RABGAP1L: variants seen among roughly 807,000 people sequenced by gnomAD.
The protein encoded by RABGAP1L is RAB GTPase activating protein 1 like, also known as rab GTPase-activating protein 1-like.
In RABGAP1L, 63 loss-of-function variants were observed where a neutral mutation model predicts 137.7. The observed-to-expected ratio is 0.46, with a 90% CI of 0.37 to 0.56. The LOEUF is 0.56. Ranked by LOEUF, RABGAP1L falls within the 20% of genes least tolerant of loss-of-function variation. The pLI, the probability that RABGAP1L is intolerant of heterozygous loss-of-function variation, is 0.00. For synonymous variants in RABGAP1L, 431 were observed against 433.7 expected (o/e 0.99, Z 0.08); for missense variants, 1,095 against 1,244.0 (o/e 0.88, Z 1.80).
chr1:174,730,001 ATACACT>A (rs1348249112), intron 17 of RABGAP1L, among the ~76,000 whole-genome samples: 4 of 152,204 alleles, frequency 2.6e-5, no homozygotes, highest in Non-Finnish European at 4.4e-5. Flanking sequence ...ATAAAAAGAC[ATACACT>A]TACATGTTAA....
chr1:174,578,359 A>AT (rs1029420791), intron 13 of RABGAP1L, among the ~76,000 whole-genome samples: 4 of 151,992 alleles, frequency 2.6e-5, no homozygotes, highest in Admixed American at 6.6e-5. Flanking sequence ...TAATTTTTTG[A>AT]TTTTTTTATA....
chr1:174,248,186 T>C (rs1417677401), intron 5 of RABGAP1L, among the ~76,000 whole-genome samples: 2 of 152,198 alleles, frequency 1.3e-5, no homozygotes. Flanking sequence ...AGGCTGAACC[T>C]TTCTGTTTTT....
At chr1:174,432,166 G>A (rs996232708) in intron 13 of RABGAP1L, among the ~76,000 whole-genome samples, 1 of 152,098 alleles carries the variant, frequency 6.6e-6, no homozygotes, top group African/African-American at 2.4e-5. Flanking sequence ...TTATGTCCAT[G>A]AGTACCCAAT....
intron 18 of RABGAP1L, among the ~76,000 whole-genome samples, chr1:174,802,041 A>G (rs976660951): frequency 6.6e-6 from 1 of 152,238 alleles, no homozygotes; most frequent in Non-Finnish European, 1.5e-5. Flanking sequence ...TTGGTAATTA[A>G]GAATATTTTG....
At chr1:174,176,713 G>GGAAAAAAAAAAAAA (rs1232596038) in intron 1 of RABGAP1L, among the ~76,000 whole-genome samples, 2 of 21,542 alleles carry the variant, frequency 9.3e-5, no homozygotes, top group Non-Finnish European at 1.8e-4. Flanking sequence ...CCCTTTTTCA[G>GGAAAAAAAAAAAAA]AAAAAAAAAA....
intron 19 of RABGAP1L, among the ~76,000 whole-genome samples, chr1:174,838,388 A>G (rs1230555074): frequency 6.6e-6 from 1 of 152,182 alleles, no homozygotes; most frequent in Non-Finnish European, 1.5e-5. Flanking sequence ...CTAGATACAT[A>G]TAGATGGCCA....
chr1:174,873,705 T>G (rs1573607704), intron 19 of RABGAP1L, among the ~76,000 whole-genome samples: 1 of 151,660 alleles, frequency 6.6e-6, no homozygotes, highest in Non-Finnish European at 1.5e-5. Context: ...GAGGTGGGGT[T>G]TCACCATATT....
intron 19 of RABGAP1L, among the ~76,000 whole-genome samples, chr1:174,884,930 G>A (rs188805416): frequency 6.6e-6 from 1 of 152,208 alleles, no homozygotes; most frequent in Non-Finnish European, 1.5e-5. Flanking sequence ...GAATCTGACC[G>A]AGTAATGTTA....
chr1:174,191,536 G>A (rs1296537239), intron 1 of RABGAP1L, among the ~76,000 whole-genome samples: 2 of 152,128 alleles, frequency 1.3e-5, no homozygotes, highest in Non-Finnish European at 2.9e-5. Flanking sequence ...TACTTAATTT[G>A]AGTCTGCTAC....
chr1:174,784,018 T>A (rs1335977383), intron 18 of RABGAP1L, among the ~76,000 whole-genome samples: 2 of 107,272 alleles, frequency 1.9e-5, no homozygotes, highest in Non-Finnish European at 3.9e-5. Context: ...CTTCTTTTTT[T>A]TTTTTTTTTT....
chr1:174,884,080 T>C (rs1417717841), intron 19 of RABGAP1L, among the ~76,000 whole-genome samples: 1 of 152,162 alleles, frequency 6.6e-6, no homozygotes, highest in African/African-American at 2.4e-5. Context: ...GTAAGAGAAT[T>C]GATTGTCCAG....
rs1212977599 is a variant in RABGAP1L at position 174,992,741 on chromosome 1, A to ACTGT, written c.*2743_*2746dup. The ACTGT allele has an allele frequency of 1.3e-5, 2 of 152,182 alleles. No individual in the cohort carries two copies. The highest frequency in any genetic ancestry group is 2.9e-5 in the Non-Finnish European group (2 of 68,018). The allele number at this position is 152,182 out of a possible 1,614,324, so 9.4% of individuals were successfully genotyped here. A position where few individuals can be genotyped will look rare whatever the true frequency, so the allele number is the denominator to read the frequency against. ...CAATATTCCAAACAATATGTCCTTCACTGTCTATTGTTGGAAAACTCATGC... is the reference window on the plus strand; with the variant it reads ...CAATATTCCAAACAATATGTCCTTCACTGTCTGTCTATTGTTGGAAAACTCATGC... On this transcript the variant is annotated 3_prime_UTR_variant, in exon 26 of 26. Transcript: ENST00000681986.
At position 174,358,985 on chromosome 1, in the gene RABGAP1L, G is replaced by T. The variant is rs182821311; in HGVS notation, c.1466-11994G>T. ...GCTATGATGGTATGGGCCTAGGGGG[G>T]CAGTATTTAACCCAGCCAGAAGAGG... is the stretch of plus-strand genomic sequence containing the variant. On this transcript the variant is annotated intron_variant, in intron 11 of 25. Transcript: ENST00000681986. Among the ~76,000 whole-genome samples the T allele has an allele frequency of 2.0e-5, 3 of 152,284 alleles. No homozygotes were observed. In the East Asian group the frequency reaches 5.8e-4, roughly 29 times the overall value.
chr1:174,666,509 T>G (rs1227955309), intron 14 of RABGAP1L, among the ~76,000 whole-genome samples: 5 of 152,324 alleles, frequency 3.3e-5, no homozygotes, highest in Non-Finnish European at 7.3e-5. Context: ...GCAAGTAAAC[T>G]GGCAAATATG....
chr1:174,174,226 ACACACAC>A (rs1665653610), intron 1 of RABGAP1L, among the ~76,000 whole-genome samples: 1 of 132,014 alleles, frequency 7.6e-6, no homozygotes, highest in Non-Finnish European at 1.6e-5. Context: ...ACACACACAC[ACACACAC>A]AACTGAATAA....
chr1:174,407,626 T>C (rs1649428861), intron 13 of RABGAP1L, among the ~76,000 whole-genome samples: 1 of 152,164 alleles, frequency 6.6e-6, no homozygotes. Flanking sequence ...TTATTATTAT[T>C]ATCATTATTT....
chr1:174,681,383 C>T (rs923536312), intron 14 of RABGAP1L, among the ~76,000 whole-genome samples: 1 of 152,078 alleles, frequency 6.6e-6, no homozygotes, highest in Non-Finnish European at 1.5e-5. Flanking sequence ...AATGAACTAC[C>T]GATGCACACA....
chr1:174,241,993 A>G (rs1671869274), intron 5 of RABGAP1L, among the ~76,000 whole-genome samples: 1 of 152,186 alleles, frequency 6.6e-6, no homozygotes, highest in South Asian at 2.1e-4. Flanking sequence ...GGTCCATGTG[A>G]TTTTAAAAAG....
intron 13 of RABGAP1L, among the ~76,000 whole-genome samples, chr1:174,525,357 C>A (rs1050561755): frequency 6.6e-6 from 1 of 151,910 alleles, no homozygotes; most frequent in Admixed American, 6.6e-5. Context: ...AGATTTTTCA[C>A]CTTCTTGGTC....
Sources: gnomAD v4.1 joint callset for allele counts (sites outside exome capture counted in the v4.1 genomes callset) on GRCh38, gnomAD v4.1.1 for gene constraint, MANE v1.5 for transcripts, NCBI Gene and HGNC (gene_info 2026-07-23, HGNC 2026-07-21) for gene names.